RBFOX3: variants seen among roughly 807,000 people sequenced by gnomAD.
The protein encoded by RBFOX3 is RNA binding protein fox-1 homolog 3.
A neutral mutation model predicts 48.7 loss-of-function variants in RBFOX3; 17 were observed. The observed-to-expected ratio is 0.35, with a 90% CI of 0.24 to 0.52. The LOEUF (loss-of-function observed/expected upper bound fraction) is 0.52. Ranked by LOEUF, RBFOX3 falls within the 20% of genes least tolerant of loss-of-function variation. The pLI is 0.94. For missense variants in RBFOX3, 382 were observed against 497.5 expected, an observed-to-expected ratio of 0.77 and a Z score of 2.21; for synonymous variants, 212 against 209.5, an observed-to-expected ratio of 1.01 and a Z score of -0.10.
At chr17:79,548,647 A>T (rs1193735213) in intron 1 of RBFOX3, among the ~76,000 whole-genome samples, 2 of 152,220 alleles carry the variant, frequency 1.3e-5, no homozygotes, top group African/African-American at 4.8e-5. Flanking sequence ...ATCAGGGGAC[A>T]TTCCAGCCTG....
intron 2 of RBFOX3, among the ~76,000 whole-genome samples, chr17:79,370,350 C>T (rs2058351068): frequency 6.6e-6 from 1 of 152,228 alleles, no homozygotes; most frequent in South Asian, 2.1e-4. Context: ...CCTCACTTGA[C>T]ACTTGCAGAA....
intron 4 of RBFOX3, among the ~76,000 whole-genome samples, chr17:79,149,345 T>G: frequency 6.7e-6 from 1 of 149,854 alleles, no homozygotes; most frequent in East Asian, 2.0e-4. Context: ...GTGGGGGGAG[T>G]GGGGGCACGG....
chr17:79,422,020 A>C lies in RBFOX3; in HGVS notation c.-175+60434T>G, dbSNP rs1555722702. Among the ~76,000 whole-genome samples, 4 of 151,928 alleles carry C rather than the reference A, an allele frequency of 2.6e-5. No individual in the cohort carries two copies. The South Asian group carries it at 8.3e-4, about 32-fold the overall frequency. On this transcript the variant is annotated intron_variant, in intron 2 of 14. Transcript: ENST00000693108. ...TTGCCGGCTGCTGGCTTCCAGCCTC[A>C]TGGGGTACAGAGGCACCCAGGGAGG... is the stretch of plus-strand genomic sequence containing the variant.
intron 3 of RBFOX3, among the ~76,000 whole-genome samples, chr17:79,276,100 C>A (rs1369534358): frequency 6.6e-6 from 1 of 152,174 alleles, no homozygotes; most frequent in Non-Finnish European, 1.5e-5. Context: ...AGACGGTACG[C>A]TCAGAGGCAG....
the RBFOX3 span, among the ~76,000 whole-genome samples, chr17:79,620,568 C>T: frequency 1.1e-4 from 14 of 125,128 alleles, 1 homozygote; most frequent in South Asian, 2.1e-3. Context: ...TGCACACCCG[C>T]GCGTGCACAC....
chr17:79,141,990 G>A (rs939618032), intron 4 of RBFOX3, among the ~76,000 whole-genome samples: 24 of 152,306 alleles, frequency 1.6e-4, no homozygotes, highest in African/African-American at 5.8e-4. Context: ...GAGACGGGGC[G>A]GGGCCCAGGA....
intron 13 of RBFOX3, among the ~76,000 whole-genome samples, chr17:79,094,748 T>A (rs925929055): frequency 1.5e-5 from 2 of 131,974 alleles, no homozygotes; most frequent in Non-Finnish European, 3.2e-5. Context: ...CCTCTCAATA[T>A]GCCCACAGTG....
chr17:79,652,187 A>T, the RBFOX3 span, among the ~76,000 whole-genome samples: 1 of 152,194 alleles, frequency 6.6e-6, no homozygotes, highest in Non-Finnish European at 1.5e-5. Flanking sequence ...TAACTAGTAC[A>T]AGTGTATGCT....
chr17:79,280,529 G>T (rs2144357319), intron 3 of RBFOX3, among the ~76,000 whole-genome samples: 1 of 152,312 alleles, frequency 6.6e-6, no homozygotes, highest in South Asian at 2.1e-4. Context: ...TTCCATGGAG[G>T]GGCCTCACCC....
At chr17:79,094,273 A>AGAG in intron 14 of RBFOX3, 178 bp downstream of exon 14, 1 of 489,272 alleles carries the variant, frequency 2.0e-6, no homozygotes, top group Non-Finnish European at 3.6e-6. Context: ...CCCGCAACTG[A>AGAG]GAGGGCGTGA....
chr17:79,240,502 A>G (rs543311719), intron 3 of RBFOX3, among the ~76,000 whole-genome samples: 4 of 152,330 alleles, frequency 2.6e-5, no homozygotes, highest in African/African-American at 7.2e-5. Flanking sequence ...AGCAGTGGCC[A>G]TCATGTCTCT....
chr17:79,536,276 C>T (rs1296341082), intron 1 of RBFOX3, among the ~76,000 whole-genome samples: 7 of 152,236 alleles, frequency 4.6e-5, no homozygotes, highest in Non-Finnish European at 1.0e-4. Flanking sequence ...CAGGGTTTCA[C>T]CATGTGGGCC....
At chr17:79,662,080 A>G in the RBFOX3 span, among the ~76,000 whole-genome samples, 4 of 40,834 alleles carry the variant, frequency 9.8e-5, no homozygotes, top group Non-Finnish European at 4.5e-4. Flanking sequence ...CTTCTAGAAG[A>G]CAGATTTTTT....
intron 4 of RBFOX3, among the ~76,000 whole-genome samples, chr17:79,143,650 C>T (rs983943379): frequency 2.0e-5 from 3 of 152,212 alleles, no homozygotes; most frequent in African/African-American, 4.8e-5. Context: ...ACCAACGCCA[C>T]GTGCAGGAGC....
chr17:79,392,003 C>CG lies in RBFOX3; in HGVS notation c.-174-84180dup, dbSNP rs1048286245. Among the ~76,000 whole-genome samples, 5 of 152,204 alleles carry CG rather than the reference C, an allele frequency of 3.3e-5. No homozygotes were observed. The highest frequency in any genetic ancestry group is 1.2e-4 in the African/African-American group (5 of 41,444). On this transcript the variant is annotated intron_variant, in intron 2 of 14. Coordinates refer to ENST00000693108, the MANE Select transcript of RBFOX3 (RefSeq NM_001350451.2). The surrounding 1 kb of genome is among the most constrained non-coding windows in gnomAD (Gnocchi z 5.0). ...TATGGCAACGCTCCCGCCAGGGCCCCGCGATGGTCAGGCTTTCTGCCGTCT... is the reference window on the plus strand; with the variant it reads ...TATGGCAACGCTCCCGCCAGGGCCCCGGCGATGGTCAGGCTTTCTGCCGTCT...
At chr17:79,514,146 C>A (rs888207752) in intron 1 of RBFOX3, among the ~76,000 whole-genome samples, 1 of 152,198 alleles carries the variant, frequency 6.6e-6, no homozygotes, top group Non-Finnish European at 1.5e-5. Flanking sequence ...CATCTCCACC[C>A]TGTGCTGGAC....
At chr17:79,426,489 G>C (rs1429057757) in intron 2 of RBFOX3, among the ~76,000 whole-genome samples, 1 of 152,188 alleles carries the variant, frequency 6.6e-6, no homozygotes, top group Non-Finnish European at 1.5e-5. Flanking sequence ...GTTCCAACAA[G>C]ACTTTCCTTC....
At chr17:79,227,230 A>C (rs1766917315) in intron 4 of RBFOX3, among the ~76,000 whole-genome samples, 1 of 152,158 alleles carries the variant, frequency 6.6e-6, no homozygotes. Context: ...CCAGCAGAGG[A>C]GGGACAAAGT....
At chr17:79,547,108 G>A (rs2090548329) in intron 1 of RBFOX3, among the ~76,000 whole-genome samples, 1 of 152,154 alleles carries the variant, frequency 6.6e-6, no homozygotes, top group South Asian at 2.1e-4. Context: ...CAATTACCTT[G>A]GGGCACCTGA....
Sources: gnomAD v4.1 joint callset for allele counts (sites outside exome capture counted in the v4.1 genomes callset) on GRCh38, gnomAD v4.1.1 for gene constraint, Gnocchi (gnomAD v3.1) non-coding constraint, MANE v1.5 for transcripts, NCBI Gene and HGNC (gene_info 2026-07-23, HGNC 2026-07-21) for gene names.